GBA1: variants seen among roughly 807,000 people sequenced by gnomAD.
GBA1 encodes glucosylceramidase beta 1.
chr1:155,239,864 G>A, the GBA1 span: 4 of 1,614,066 alleles, frequency 2.5e-6, no homozygotes, highest in African/African-American at 1.3e-5. Flanking sequence ...CTGGCCCAGG[G>A]GGTGAGGGGT....
chr1:155,240,379 G>A, the GBA1 span: 272 of 603,248 alleles, frequency 4.5e-4, 1 homozygote, highest in South Asian at 2.2e-4. Context: ...CAAGAGAATC[G>A]CTTGAATCTG....
the GBA1 span, chr1:155,239,927 T>C: frequency 6.2e-7 from 1 of 1,613,896 alleles, no homozygotes; most frequent in Non-Finnish European, 8.5e-7. Flanking sequence ...CATACTCAGC[T>C]CCATCCGTCG....
the GBA1 span, among the ~76,000 whole-genome samples, chr1:155,241,617 G>T: frequency 6.6e-6 from 1 of 152,148 alleles, no homozygotes; most frequent in Non-Finnish European, 1.5e-5. Context: ...GCCCTATAGA[G>T]GTGTGTGAGG....
chr1:155,236,758 T>C, the GBA1 span, among the ~76,000 whole-genome samples: 4 of 151,932 alleles, frequency 2.6e-5, no homozygotes, highest in African/African-American at 9.7e-5. Flanking sequence ...AATTTGTGTG[T>C]GTATGTGTGT....
chr1:155,236,478 GA>G, the GBA1 span: 3 of 1,604,044 alleles, frequency 1.9e-6, no homozygotes, highest in Non-Finnish European at 2.6e-6. Context: ...ACCTGCAAAG[GA>G]AGAGCAACTG....
At chr1:155,238,122 C>T in the GBA1 span, 1 of 1,613,970 alleles carries the variant, frequency 6.2e-7, no homozygotes, top group South Asian at 1.1e-5. Flanking sequence ...CACATCCTTG[C>T]TGATCCCTTA....
the GBA1 span, among the ~76,000 whole-genome samples, chr1:155,236,928 G>C: frequency 6.6e-6 from 1 of 151,476 alleles, no homozygotes; most frequent in Admixed American, 6.6e-5. Flanking sequence ...GCAGTGGCGC[G>C]ATCTCGGCTC....
At chr1:155,238,775 G>A in the GBA1 span, 13 of 1,542,342 alleles carry the variant, frequency 8.4e-6, no homozygotes, top group Non-Finnish European at 1.2e-5. Flanking sequence ...CTCCTGGGTT[G>A]GAACCTGTGG....
the GBA1 span, chr1:155,240,276 C>T: frequency 6.5e-6 from 4 of 612,898 alleles, no homozygotes; most frequent in Non-Finnish European, 8.6e-6. Flanking sequence ...CCTGCCTTGC[C>T]AGCATGGTGA....
chr1:155,242,706 C>T, the GBA1 span, among the ~76,000 whole-genome samples: 1 of 149,628 alleles, frequency 6.7e-6, no homozygotes, highest in African/African-American at 2.5e-5. Flanking sequence ...AATTGCCCTG[C>T]CTCAGCCTCC....
the GBA1 span, chr1:155,235,590 C>T: frequency 7.2e-7 from 1 of 1,380,774 alleles, no homozygotes; most frequent in African/African-American, 1.5e-5. Flanking sequence ...TGAACACCTT[C>T]CTGCTCCCTC....
At chr1:155,237,681 C>T in the GBA1 span, 5 of 1,564,462 alleles carry the variant, frequency 3.2e-6, no homozygotes, top group Non-Finnish European at 4.3e-6. Flanking sequence ...GAAGCCGAGG[C>T]AGGTGGATCA....
the GBA1 span, chr1:155,237,545 C>T: frequency 9.9e-6 from 16 of 1,613,924 alleles, no homozygotes; most frequent in Admixed American, 1.8e-4. Flanking sequence ...CTGCCCAGAA[C>T]TGTAACTTGT....
chr1:155,239,821 C>T, the GBA1 span: 2 of 1,613,166 alleles, frequency 1.2e-6, no homozygotes, highest in Admixed American at 3.3e-5. Flanking sequence ...CCATGGTGAT[C>T]ACTGACACCA....
chr1:155,242,486 T>C, the GBA1 span, among the ~76,000 whole-genome samples: 1 of 151,854 alleles, frequency 6.6e-6, no homozygotes, highest in Non-Finnish European at 1.5e-5. Flanking sequence ...TATCCGAAAG[T>C]GCTGGGATTA....
chr1:155,242,834 C>A, the GBA1 span, among the ~76,000 whole-genome samples: 1 of 152,116 alleles, frequency 6.6e-6, no homozygotes, highest in Non-Finnish European at 1.5e-5. Flanking sequence ...CTCAGGTGAT[C>A]CACCAGCCTC....
At chr1:155,238,477 C>T in the GBA1 span, 1 of 1,561,152 alleles carries the variant, frequency 6.4e-7, no homozygotes, top group Non-Finnish European at 8.8e-7. Flanking sequence ...AACCCCCAGA[C>T]ATCAGGGCCC....
the GBA1 span, chr1:155,236,284 G>A: frequency 1.2e-6 from 2 of 1,614,196 alleles, no homozygotes; most frequent in Non-Finnish European, 1.7e-6. Flanking sequence ...CTCGATCCCA[G>A]GAGCCTAGCC....
At chr1:155,242,322 G>T in the GBA1 span, among the ~76,000 whole-genome samples, 1 of 151,956 alleles carries the variant, frequency 6.6e-6, no homozygotes, top group African/African-American at 2.4e-5. Context: ...TCCTGGGTTC[G>T]AGTGATTCTC....
Sources: allele counts gnomAD v4.1 joint callset (sites outside exome capture counted in the v4.1 genomes callset), GRCh38; gene constraint gnomAD v4.1.1; transcripts MANE v1.5; gene names NCBI Gene and HGNC (gene_info 2026-07-23, HGNC 2026-07-21).